The following NAALADL2 variants were observed in gnomAD, a reference collection of about 807,000 sequenced individuals.
NAALADL2 encodes N-acetylated alpha-linked acidic dipeptidase like 2, also known as inactive N-acetylated-alpha-linked acidic dipeptidase-like protein 2.
In NAALADL2, 76 loss-of-function variants were observed where a neutral mutation model predicts 87.2. That is an observed-to-expected ratio of 0.87 (90% CI 0.72 to 1.05). The LOEUF (loss-of-function observed/expected upper bound fraction) is 1.05, where lower values mean the gene tolerates loss of function less well. Ranked by LOEUF, NAALADL2 falls within the 50% of genes least tolerant of loss-of-function variation. The pLI, the probability that NAALADL2 is intolerant of heterozygous loss-of-function variation, is 0.00. For missense variants in NAALADL2, 1,089 were observed against 945.8 expected (o/e 1.15, Z -1.99); for synonymous variants, 354 against 331.0 (o/e 1.07, Z -0.75).
chr3:175,150,146 T>C (rs917100859), intron 2 of NAALADL2, among the ~76,000 whole-genome samples: 5 of 152,204 alleles, frequency 3.3e-5, no homozygotes, highest in African/African-American at 1.2e-4. Context: ...TAAGAATCTT[T>C]CTATGTTTTA....
At position 175,518,185 on chromosome 3, in the gene NAALADL2, G is replaced by T. The variant is rs79239779; in HGVS notation, c.1653+46427G>T. Among the ~76,000 whole-genome samples the T allele has an allele frequency of 3.0e-3, 453 of 152,222 alleles. 4 individuals carry two copies. The highest frequency in any genetic ancestry group is 0.01 in the African/African-American group (432 of 41,540). ...TTGTTAGAAAAGAAAATGATTTTGG[G>T]CTGCCTTTCATTAAAAGGAAAATCT... On this transcript the variant is annotated intron_variant, in intron 9 of 13. Coordinates refer to ENST00000454872, the MANE Select transcript of NAALADL2 (RefSeq NM_207015.3).
chr3:175,129,498 A>G (rs1019118359), intron 2 of NAALADL2, among the ~76,000 whole-genome samples: 2 of 152,178 alleles, frequency 1.3e-5, no homozygotes, highest in African/African-American at 2.4e-5. Context: ...GTCCTTGGCA[A>G]TGACCATTCT....
intron 1 of NAALADL2, among the ~76,000 whole-genome samples, chr3:174,460,556 C>T (rs1396737406): frequency 6.6e-6 from 1 of 151,828 alleles, no homozygotes; most frequent in Non-Finnish European, 1.5e-5. Flanking sequence ...CCTAGAGCAG[C>T]AATGTTAAGT....
At chr3:175,217,409 T>C (rs1234906612) in intron 2 of NAALADL2, among the ~76,000 whole-genome samples, 2 of 152,200 alleles carry the variant, frequency 1.3e-5, no homozygotes, top group Non-Finnish European at 2.9e-5. Context: ...TGCTTAGGAA[T>C]CAAATGTTTT....
intron 1 of NAALADL2, among the ~76,000 whole-genome samples, chr3:175,076,119 T>C (rs1716544635): frequency 6.6e-6 from 1 of 152,084 alleles, no homozygotes; most frequent in African/African-American, 2.4e-5. Flanking sequence ...TCCCAGCTAC[T>C]TGGGAAGCTG....
At chr3:174,948,378 T>C (rs752229565) in intron 1 of NAALADL2, among the ~76,000 whole-genome samples, 2 of 152,134 alleles carry the variant, frequency 1.3e-5, no homozygotes, top group Non-Finnish European at 2.9e-5. Flanking sequence ...GGTTTCACCA[T>C]GTTGGCCAGG....
At chr3:174,526,509 T>C (rs1720761019) in intron 1 of NAALADL2, among the ~76,000 whole-genome samples, 1 of 152,218 alleles carries the variant, frequency 6.6e-6, no homozygotes, top group South Asian at 2.1e-4. Context: ...GCCTGGCATA[T>C]AATATATATT....
At chr3:175,245,802 C>A (rs899981485) in intron 3 of NAALADL2, among the ~76,000 whole-genome samples, 6 of 152,238 alleles carry the variant, frequency 3.9e-5, no homozygotes, top group African/African-American at 1.2e-4. Flanking sequence ...AGTCCACTAG[C>A]TAGTGTCCCT....
chr3:174,481,744 T>C (rs562220786), intron 1 of NAALADL2, among the ~76,000 whole-genome samples: 2 of 152,250 alleles, frequency 1.3e-5, no homozygotes, highest in South Asian at 4.1e-4. Context: ...CAGTGCAAGT[T>C]TCCAAGAGTC....
chr3:175,609,512 G>A (rs572253806), intron 10 of NAALADL2: 1 of 152,082 alleles, frequency 6.6e-6, no homozygotes, highest in East Asian at 1.9e-4. Flanking sequence ...TAGCCAATGA[G>A]GTTTATCCGA....
At chr3:175,756,932 G>T (rs972378623) in intron 13 of NAALADL2, among the ~76,000 whole-genome samples, 5 of 150,828 alleles carry the variant, frequency 3.3e-5, no homozygotes, top group African/African-American at 4.9e-5. Context: ...GTATTTATAT[G>T]ACATATTTAA....
intron 1 of NAALADL2, among the ~76,000 whole-genome samples, chr3:174,507,793 T>C (rs924387355): frequency 1.3e-5 from 2 of 152,234 alleles, no homozygotes; most frequent in Non-Finnish European, 2.9e-5. Context: ...TATCCACATA[T>C]GAACATTTAG....
At chr3:175,354,251 A>G (rs1359996569) in intron 5 of NAALADL2, among the ~76,000 whole-genome samples, 1 of 152,204 alleles carries the variant, frequency 6.6e-6, no homozygotes, top group Non-Finnish European at 1.5e-5. Context: ...GTATGGTCCA[A>G]CCTAACTTTA....
chr3:175,665,661 G>C (rs1050043051), intron 11 of NAALADL2, among the ~76,000 whole-genome samples: 1 of 152,114 alleles, frequency 6.6e-6, no homozygotes, highest in Non-Finnish European at 1.5e-5. Flanking sequence ...GGCTGGGCGC[G>C]ATGGCTCACG....
intron 1 of NAALADL2, among the ~76,000 whole-genome samples, chr3:174,980,071 C>T (rs1168526404): frequency 1.3e-5 from 2 of 152,184 alleles, no homozygotes; most frequent in Admixed American, 6.5e-5. Context: ...CAATGCCTCT[C>T]TCACCTTTTC....
At chr3:175,204,410 A>C (rs1236909630) in intron 2 of NAALADL2, among the ~76,000 whole-genome samples, 1 of 152,186 alleles carries the variant, frequency 6.6e-6, no homozygotes, top group Non-Finnish European at 1.5e-5. Flanking sequence ...CTATGATTAA[A>C]ACTGCAAAAT....
chr3:175,169,456 A>AATATATAT (rs141242519), intron 2 of NAALADL2, among the ~76,000 whole-genome samples: 43,216 of 146,608 alleles, frequency 0.29, 7,135 homozygotes, highest in East Asian at 0.46. Context: ...TAGTTGTAAG[A>AATATATAT]ATATATATAT....
chr3:175,631,995 TA>T (rs1020209231), intron 11 of NAALADL2, among the ~76,000 whole-genome samples: 1 of 152,020 alleles, frequency 6.6e-6, no homozygotes, highest in Admixed American at 6.6e-5. Flanking sequence ...ACAAGGTAAA[TA>T]AATCATTTTA....
chr3:174,712,439 G>A (rs1578644064), intron 2 of NAALADL2, among the ~76,000 whole-genome samples: 1 of 133,966 alleles, frequency 7.5e-6, no homozygotes, highest in African/African-American at 2.8e-5. Context: ...CCAGGCTGGA[G>A]TGCAATGGCG....
Sources: allele counts gnomAD v4.1 joint callset (sites outside exome capture counted in the v4.1 genomes callset), GRCh38; gene constraint gnomAD v4.1.1; transcripts MANE v1.5; gene names NCBI Gene and HGNC (gene_info 2026-07-23, HGNC 2026-07-21).